Variants in EXT1 observed in about 807,000 individuals in gnomAD.
The protein encoded by EXT1 is exostosin-1.
A neutral mutation model predicts 82.5 loss-of-function variants in EXT1; 20 were observed. The observed-to-expected ratio is 0.24, with a 90% CI of 0.17 to 0.35. The LOEUF (loss-of-function observed/expected upper bound fraction) is 0.35. EXT1 is among the 10% of genes least tolerant of loss of function. The pLI is 1.00. For synonymous variants in EXT1, 348 were observed against 350.8 expected (o/e 0.99, Z 0.09); for missense variants, 757 against 936.5 (o/e 0.81, Z 2.50).
At chr8:118,058,878 A>G (rs904213251) in intron 1 of EXT1, among the ~76,000 whole-genome samples, 5 of 152,206 alleles carry the variant, frequency 3.3e-5, no homozygotes, top group African/African-American at 7.2e-5. Context: ...GAGGATTTAC[A>G]TGGACTGGAC....
At chr8:118,043,433 C>T (rs1816567256) in intron 1 of EXT1, among the ~76,000 whole-genome samples, 1 of 152,176 alleles carries the variant, frequency 6.6e-6, no homozygotes. Context: ...AGTCCCTATC[C>T]AGAGTTTTCT....
chr8:117,845,583 C>T (rs547823022), intron 1 of EXT1, among the ~76,000 whole-genome samples: 14 of 151,826 alleles, frequency 9.2e-5, no homozygotes, highest in Admixed American at 5.9e-4. Flanking sequence ...TAAAAGATAG[C>T]TATTAATAAC....
intron 1 of EXT1, among the ~76,000 whole-genome samples, chr8:118,047,606 A>G (rs934854032): frequency 1.5e-4 from 23 of 152,196 alleles, no homozygotes; most frequent in African/African-American, 5.5e-4. Flanking sequence ...CATCTCACTC[A>G]CAATTATCTC....
chr8:117,949,280 A>G (rs929590562), intron 1 of EXT1, among the ~76,000 whole-genome samples: 9 of 152,180 alleles, frequency 5.9e-5, no homozygotes, highest in Admixed American at 3.9e-4. Flanking sequence ...AGTTGAAACC[A>G]GTTAAATAGC....
chr8:117,933,236 ATTT>A (rs34159778), intron 1 of EXT1, among the ~76,000 whole-genome samples: 76,426 of 133,194 alleles, frequency 0.57, 21,920 homozygotes, highest in Middle Eastern at 0.74. Flanking sequence ...TCTGCTGGGT[ATTT>A]TTTTTTTTTT....
intron 4 of EXT1, among the ~76,000 whole-genome samples, chr8:117,824,017 C>T (rs1411501337): frequency 6.6e-6 from 1 of 152,138 alleles, no homozygotes; most frequent in Non-Finnish European, 1.5e-5. Context: ...TCACTTTGTA[C>T]AACATTTATT....
chr8:118,020,644 G>A (rs1816087764), intron 1 of EXT1, among the ~76,000 whole-genome samples: 1 of 151,954 alleles, frequency 6.6e-6, no homozygotes, highest in African/African-American at 2.4e-5. Flanking sequence ...GCACTCTGAG[G>A]TTATTTCAGG....
chr8:118,031,244 G>A lies in EXT1; in HGVS notation c.962+78841C>T, dbSNP rs143632693. ...ATATACAAATCCTAATATTTTGGCC[G>A]GCAAGGTGACTCACACCTGTAATCT... On this transcript the variant is annotated intron_variant, in intron 1 of 10. Transcript: ENST00000378204. Among the ~76,000 whole-genome samples the A allele has an allele frequency of 1.8e-4, 28 of 152,164 alleles. 1 individual carries two copies. Among genetic ancestry groups the A allele is most frequent in the African/African-American group, 4.1e-4 (17 of 41,494 alleles).
intron 1 of EXT1, among the ~76,000 whole-genome samples, chr8:117,971,146 G>A (rs17431069): frequency 0.012 from 1,833 of 152,234 alleles, 21 homozygotes; most frequent in Non-Finnish European, 0.017. Context: ...TCAGCTTCCC[G>A]AAAGAGCAAA....
At chr8:117,982,976 T>A (rs941663777) in intron 1 of EXT1, among the ~76,000 whole-genome samples, 1 of 152,182 alleles carries the variant, frequency 6.6e-6, no homozygotes, top group African/African-American at 2.4e-5. Context: ...TTAAATTTGT[T>A]CCCCAGCACC....
intron 1 of EXT1, among the ~76,000 whole-genome samples, chr8:118,015,949 G>C (rs888751989): frequency 6.6e-6 from 1 of 152,230 alleles, no homozygotes; most frequent in African/African-American, 2.4e-5. Context: ...GTTAGGCTGT[G>C]CCACAAACCA....
At chr8:117,874,775 A>G (rs559829543) in intron 1 of EXT1, among the ~76,000 whole-genome samples, 2 of 152,264 alleles carry the variant, frequency 1.3e-5, no homozygotes, top group Admixed American at 6.5e-5. Flanking sequence ...AGAAGAAACT[A>G]GTAAATATAT....
At chr8:117,904,002 G>C (rs763391968) in intron 1 of EXT1, among the ~76,000 whole-genome samples, 20 of 152,196 alleles carry the variant, frequency 1.3e-4, no homozygotes, top group Non-Finnish European at 2.8e-4. Flanking sequence ...TAACTGACCT[G>C]AAGTTCTTAA....
intron 1 of EXT1, among the ~76,000 whole-genome samples, chr8:117,960,007 T>C (rs1015999795): frequency 6.6e-6 from 1 of 152,158 alleles, no homozygotes. Context: ...AGGTCAGGAA[T>C]TGAGACCAGC....
At chr8:117,988,953 G>A (rs959582281) in intron 1 of EXT1, among the ~76,000 whole-genome samples, 1 of 151,202 alleles carries the variant, frequency 6.6e-6, no homozygotes, top group Non-Finnish European at 1.5e-5. Context: ...TCTGACAGGT[G>A]CAGTGGCTGA....
chr8:117,948,320 CAAAA>C (rs34394392), intron 1 of EXT1, among the ~76,000 whole-genome samples: 2 of 51,920 alleles, frequency 3.9e-5, no homozygotes, highest in African/African-American at 5.8e-5. Context: ...CTGCCCTTGC[CAAAA>C]AAAAAAAAAA....
intron 1 of EXT1, among the ~76,000 whole-genome samples, chr8:118,050,127 G>A (rs905280218): frequency 1.3e-5 from 2 of 152,234 alleles, no homozygotes; most frequent in African/African-American, 4.8e-5. Context: ...GGAAGGTAGA[G>A]AGAGAGAGAC....
chr8:118,084,510 G>T (rs1817385428), intron 1 of EXT1, among the ~76,000 whole-genome samples: 1 of 152,204 alleles, frequency 6.6e-6, no homozygotes, highest in Non-Finnish European at 1.5e-5. Flanking sequence ...ACCAAGCTGG[G>T]CATGTTATAT....
intron 7 of EXT1, among the ~76,000 whole-genome samples, chr8:117,815,381 TA>T (rs1811789267): frequency 6.6e-6 from 1 of 152,224 alleles, no homozygotes; most frequent in African/African-American, 2.4e-5. Context: ...CCACAGGTCT[TA>T]AAAGGATCTG....
Sources: gnomAD v4.1 joint callset for allele counts (sites outside exome capture counted in the v4.1 genomes callset) on GRCh38, gnomAD v4.1.1 for gene constraint, MANE v1.5 for transcripts, NCBI Gene and HGNC (gene_info 2026-07-23, HGNC 2026-07-21) for gene names.